Variants in LUC7L2 observed in about 807,000 individuals in gnomAD.
The protein encoded by LUC7L2 is LUC7 like 2, pre-mRNA splicing factor, also known as putative RNA-binding protein Luc7-like 2.
LUC7L2 carries 25 observed loss-of-function variants against 52.8 expected under a neutral mutation model. The observed-to-expected ratio is 0.47, with a 90% CI of 0.34 to 0.66. The LOEUF is 0.66. LUC7L2 is among the 30% of genes least tolerant of loss of function. LUC7L2 has a pLI of 0.01. For missense variants in LUC7L2, 328 were observed against 497.8 expected, an observed-to-expected ratio of 0.66 and a Z score of 3.25; for synonymous variants, 144 against 160.9, an observed-to-expected ratio of 0.89 and a Z score of 0.80.
chr7:139,379,547 T>G (rs1800883454), intron 2 of LUC7L2, among the ~76,000 whole-genome samples: 1 of 121,368 alleles, frequency 8.2e-6, no homozygotes, highest in African/African-American at 3.0e-5. Context: ...GTATAACTAA[T>G]GCTTTTTTTT....
intron 2 of LUC7L2, among the ~76,000 whole-genome samples, chr7:139,383,766 C>T (rs1323181947): frequency 8.2e-6 from 1 of 121,832 alleles, no homozygotes; most frequent in African/African-American, 4.5e-5. Flanking sequence ...CGGAGTATTG[C>T]TCTTTCGCCT....
At chr7:139,384,700 G>A (rs1321690082) in intron 2 of LUC7L2, among the ~76,000 whole-genome samples, 1 of 152,088 alleles carries the variant, frequency 6.6e-6, no homozygotes, top group Non-Finnish European at 1.5e-5. Context: ...AATAGTAAAC[G>A]GGGTACTCAC....
chr7:139,419,354 T>A (rs1188317352), intron 9 of LUC7L2, among the ~76,000 whole-genome samples: 1 of 152,156 alleles, frequency 6.6e-6, no homozygotes, highest in African/African-American at 2.4e-5. Context: ...AAAAAGATAT[T>A]CCATATAGAG....
At chr7:139,416,729 A>T (rs1266604712) in intron 8 of LUC7L2, 3 of 152,138 alleles carry the variant, frequency 2.0e-5, no homozygotes, top group African/African-American at 7.2e-5. Flanking sequence ...CTGTGACTAG[A>T]CATGCATATT....
intron 2 of LUC7L2, among the ~76,000 whole-genome samples, chr7:139,391,254 T>C (rs1173904235): frequency 1.3e-5 from 2 of 152,208 alleles, no homozygotes; most frequent in African/African-American, 4.8e-5. Context: ...GTTTAAGGCC[T>C]TGATTTCCAT....
rs1799805862 is a variant in LUC7L2 at position 139,360,378 on chromosome 7, A to G, written c.61+56A>G. ...GGAGGGGACGGGGACGGCGAAGGGA[A>G]GGGGTTCCGAGGGCGCACCTGGGCG... On this transcript the variant is annotated intron_variant, in intron 1 of 9. Coordinates refer to ENST00000354926, the MANE Select transcript of LUC7L2 (RefSeq NM_016019.5). 6.7e-6 allele frequency: 10 copies of G among 1,500,698 alleles called. No homozygotes were observed. The South Asian group carries it at 1.1e-4, about 17-fold the overall frequency. 93.0% of individuals were successfully genotyped at this position (1,500,698 alleles called of 1,614,324 possible).
At chr7:139,400,222 ACTGTAATCCCAGCACTTTGGGAGG>A (rs1404734277) in intron 3 of LUC7L2, among the ~76,000 whole-genome samples, 3 of 152,042 alleles carry the variant, frequency 2.0e-5, no homozygotes, top group Non-Finnish European at 4.4e-5. Context: ...TAATCCCAGC[ACTGTAATCCCAGCACTTTGGGAGG>A]CTGTAATCCC....
chr7:139,349,322 T>C (rs889902011), intron 1 of LUC7L2, among the ~76,000 whole-genome samples: 5 of 152,244 alleles, frequency 3.3e-5, no homozygotes, highest in East Asian at 1.9e-4. Context: ...CAGAAGTGTA[T>C]GCGTATTATG....
rs546409952 is a variant in LUC7L2 at position 139,370,991 on chromosome 7, A to G, written c.62-5071A>G. On this transcript the variant is annotated intron_variant, in intron 1 of 9. Transcript: ENST00000354926. ...CCTCTCTAGCTCTAGCTTTCCTTTC[A>G]CTGAGGGGTTATGGATCTTATTTCA... 2.0e-5 allele frequency among the ~76,000 whole-genome samples: 3 copies of G among 152,224 alleles called. No individual in the cohort carries two copies. In the East Asian group the frequency reaches 5.8e-4, roughly 29 times the overall value.
intron 3 of LUC7L2, among the ~76,000 whole-genome samples, chr7:139,400,370 A>G (rs903053834): frequency 2.6e-5 from 4 of 152,052 alleles, no homozygotes; most frequent in African/African-American, 9.7e-5. Flanking sequence ...TTAGCCGGGC[A>G]TGGTGGTGGG....
At position 139,423,286 on chromosome 7, in the gene LUC7L2, T is replaced by G; in HGVS notation, c.*946T>G. ...GCACCAAAGGACATAAATACGTACT[T>G]GCAAAGATTCCAGATGAGCTGTTCA... On this transcript the variant is annotated 3_prime_UTR_variant, in exon 10 of 10. Coordinates refer to ENST00000354926, the MANE Select transcript of LUC7L2 (RefSeq NM_016019.5). 1 of 399,084 alleles carries G rather than the reference T, an allele frequency of 2.5e-6. No individual in the cohort carries two copies. Among genetic ancestry groups the G allele is most frequent in the Non-Finnish European group, 4.4e-6 (1 of 226,088 alleles). The allele number at this position is 399,084 out of a possible 1,614,324, so 24.7% of individuals were successfully genotyped here. A position where few individuals can be genotyped will look rare whatever the true frequency, so the allele number is the denominator to read the frequency against.
At position 139,363,634 on chromosome 7, in the gene LUC7L2, G is replaced by A. The variant is rs532587200; in HGVS notation, c.61+3312G>A. 5.3e-5 allele frequency among the ~76,000 whole-genome samples: 8 copies of A among 152,210 alleles called. No homozygotes were observed. The South Asian group carries it at 1.2e-3, about 24-fold the overall frequency. On this transcript the variant is annotated intron_variant, in intron 1 of 9. Transcript: ENST00000354926. ...TTTTATCTTGTTTATGATTCATTAC[G>A]TTTTATAAATATCTTTCTGTTTTAG...
intron 2 of LUC7L2, among the ~76,000 whole-genome samples, chr7:139,386,253 T>A (rs1332348628): frequency 1.3e-5 from 2 of 152,116 alleles, no homozygotes; most frequent in Non-Finnish European, 2.9e-5. Context: ...CCACCTGCCT[T>A]GACCTCTCAA....
chr7:139,363,216 G>C (rs1390000184), intron 1 of LUC7L2: 6 of 985,266 alleles, frequency 6.1e-6, no homozygotes, highest in Non-Finnish European at 4.8e-6. Context: ...ACTGAAAATC[G>C]TGCCGATGCC....
chr7:139,369,220 A>G lies in LUC7L2; in HGVS notation c.62-6842A>G, dbSNP rs536731946. On this transcript the variant is annotated intron_variant, in intron 1 of 9. Transcript: ENST00000354926. ...GAAGGCACCGGCTATCCAGAGTGCA[A>G]TTGTTACTATGTCAGAATTACAGCT... Among the ~76,000 whole-genome samples, 7 of 152,324 alleles carry G rather than the reference A, an allele frequency of 4.6e-5. No individual in the cohort carries two copies. In the South Asian group the frequency reaches 8.3e-4, roughly 18 times the overall value.
At chr7:139,408,895 C>T (rs898386133) in intron 6 of LUC7L2, among the ~76,000 whole-genome samples, 3 of 150,694 alleles carry the variant, frequency 2.0e-5, no homozygotes, top group Non-Finnish European at 2.9e-5. Context: ...TGCCTGTAAT[C>T]CCAGCACTTT....
intron 2 of LUC7L2, among the ~76,000 whole-genome samples, chr7:139,396,481 A>G (rs1794668431): frequency 6.6e-6 from 1 of 151,758 alleles, no homozygotes; most frequent in Non-Finnish European, 1.5e-5. Context: ...TTGAAGTCTG[A>G]CTCATTGGAG....
intron 2 of LUC7L2, among the ~76,000 whole-genome samples, chr7:139,376,999 A>G (rs983987923): frequency 3.3e-5 from 5 of 152,188 alleles, no homozygotes; most frequent in African/African-American, 4.8e-5. Context: ...CCAAAGAGAG[A>G]TGTATCAAGG....
chr7:139,421,070 G>C (rs1795882731), intron 9 of LUC7L2, among the ~76,000 whole-genome samples: 1 of 152,104 alleles, frequency 6.6e-6, no homozygotes, highest in South Asian at 2.1e-4. Flanking sequence ...CAAAGTGCTG[G>C]GATTACAGGC....
Sources: gnomAD v4.1 joint callset for allele counts (sites outside exome capture counted in the v4.1 genomes callset) on GRCh38, gnomAD v4.1.1 for gene constraint, MANE v1.5 for transcripts, NCBI Gene and HGNC (gene_info 2026-07-23, HGNC 2026-07-21) for gene names.